TMPRSS3: variants seen among roughly 807,000 people sequenced by gnomAD.
TMPRSS3 encodes transmembrane protease serine 3.
In TMPRSS3, 55 loss-of-function variants were observed where a neutral mutation model predicts 59.6. The observed-to-expected ratio is 0.92, with a 90% CI of 0.74 to 1.16. TMPRSS3 has a LOEUF of 1.16. Ranked by LOEUF, TMPRSS3 falls within the 50% of genes most tolerant of loss-of-function variation. TMPRSS3 has a pLI of 0.00. For missense variants in TMPRSS3, 596 were observed against 579.4 expected (o/e 1.03, Z -0.29); for synonymous variants, 257 against 237.7 (o/e 1.08, Z -0.75).
chr21:42,377,776 AG>A (rs1410137402), intron 10 of TMPRSS3, among the ~76,000 whole-genome samples: 1 of 152,220 alleles, frequency 6.6e-6, no homozygotes, highest in East Asian at 1.9e-4. Flanking sequence ...CAAGACACTC[AG>A]CTTCCTGCCC....
chr21:42,375,180 GC>G (rs1332620506), intron 12 of TMPRSS3, among the ~76,000 whole-genome samples: 2 of 151,192 alleles, frequency 1.3e-5, no homozygotes, highest in African/African-American at 2.4e-5. Context: ...GCTGTTGGGT[GC>G]CCCCCTGCAG....
At chr21:42,391,203 T>C (rs1465096779) in intron 2 of TMPRSS3, among the ~76,000 whole-genome samples, 1 of 152,158 alleles carries the variant, frequency 6.6e-6, no homozygotes, top group Non-Finnish European at 1.5e-5. Context: ...TTGATTTTTG[T>C]TTGTTTGTTT....
chr21:42,394,361 T>C (rs2146459753), intron 2 of TMPRSS3, among the ~76,000 whole-genome samples: 1 of 152,190 alleles, frequency 6.6e-6, no homozygotes, highest in South Asian at 2.1e-4. Context: ...ATAAAAACCT[T>C]TTATGGAAAA....
intron 1 of TMPRSS3, 179 bp downstream of exon 1, chr21:42,395,763 A>T: frequency 2.5e-6 from 1 of 397,374 alleles, no homozygotes; most frequent in Non-Finnish European, 4.9e-6. Context: ...CGATTGCTTT[A>T]GAGGGACTCC....
chr21:42,393,519 A>G (rs1339229261), intron 2 of TMPRSS3, among the ~76,000 whole-genome samples: 6 of 152,206 alleles, frequency 3.9e-5, no homozygotes, highest in Non-Finnish European at 8.8e-5. Context: ...ATCGACCCCC[A>G]AGGACACTTA....
chr21:42,389,506 C>G (rs961014057), intron 3 of TMPRSS3, among the ~76,000 whole-genome samples: 1 of 152,234 alleles, frequency 6.6e-6, no homozygotes, highest in African/African-American at 2.4e-5. Context: ...AAATTGTTCC[C>G]TATTAGAGAC....
chr21:42,372,059 A>G lies in TMPRSS3; in HGVS notation c.*703T>C. ...AAGGGTGGGTTTGGTTCTGGTCCCT[A>G]GAGATGAAAACGTGCAGTGACTGCA... is the stretch of plus-strand genomic sequence containing the variant. On this transcript the variant is annotated 3_prime_UTR_variant, in exon 13 of 13. Transcript: ENST00000644384. 2.2e-6 allele frequency: 1 copy of G among 454,362 alleles called. No individual in the cohort carries two copies. Among genetic ancestry groups the G allele is most frequent in the Admixed American group, 2.3e-5 (1 of 42,574 alleles). 28.1% of individuals were successfully genotyped at this position (454,362 alleles called of 1,614,324 possible). A position where few individuals can be genotyped will look rare whatever the true frequency, so the allele number is the denominator to read the frequency against.
At chr21:42,377,631 G>T (rs543753741) in intron 10 of TMPRSS3, among the ~76,000 whole-genome samples, 1 of 152,314 alleles carries the variant, frequency 6.6e-6, no homozygotes, top group South Asian at 2.1e-4. Flanking sequence ...GACACCGAGG[G>T]ATGGACCCCT....
At chr21:42,392,326 G>A (rs1424010448) in intron 2 of TMPRSS3, among the ~76,000 whole-genome samples, 4 of 152,230 alleles carry the variant, frequency 2.6e-5, no homozygotes, top group Non-Finnish European at 5.9e-5. Context: ...CATGGAATGC[G>A]AGGAGAAAAG....
Position 42,375,794 on chromosome 21 carries a change from G to C in TMPRSS3, c.1266C>G (p.Ile422Met), listed in dbSNP as rs372469227. The change falls in exon 12 of 13, where the codon ATC becomes ATG. Residue 422 changes from isoleucine (I) to methionine (M), a missense_variant. Transcript: ENST00000644384. Reference protein sequence around the residue: ...WKLVGATSFGIGCAEVNKPGV... With the variant: ...WKLVGATSFGMGCAEVNKPGV... ...CAGGCTTGTTCACCTCTGCGCAGCC[G>C]ATGCCAAAGCTGGTCGCTCCCACTA... is the stretch of plus-strand genomic sequence containing the variant. 2.5e-6 allele frequency: 4 copies of C among 1,613,682 alleles called. No individual in the cohort carries two copies. Among genetic ancestry groups the C allele is most frequent in the Non-Finnish European group, 3.4e-6 (4 of 1,179,990 alleles).
In TMPRSS3 at chr21:42,388,363, C is replaced by G. The variant is rs1568888263; in HGVS notation, c.446+40G>C. 26 of 1,614,182 alleles carry G rather than the reference C, an allele frequency of 1.6e-5. No individual in the cohort carries two copies. The highest frequency in any genetic ancestry group is 2.0e-5 in the Non-Finnish European group (24 of 1,179,994). On this transcript the variant is annotated intron_variant, in intron 5 of 12. Coordinates refer to ENST00000644384, the MANE Select transcript of TMPRSS3 (RefSeq NM_001256317.3). This position sits in a 1 kb window ranked among gnomAD's most constrained non-coding sequence, Gnocchi z 5.1. ...TTGTCTTTCTTTATTGTTATCCTCT[C>G]TGTGTTTTGCCCATGGGTTGGAAAT...
chr21:42,386,082 AT>A (rs2052629577), intron 5 of TMPRSS3, among the ~76,000 whole-genome samples: 1 of 152,196 alleles, frequency 6.6e-6, no homozygotes, highest in Non-Finnish European at 1.5e-5. Context: ...AGCCCAGCTC[AT>A]TTTTACAGTG....
chr21:42,385,479 C>T lies in TMPRSS3; in HGVS notation c.502G>A (p.Glu168Lys). Residue 168 changes from glutamate to lysine, a missense_variant, in exon 6 of 13, where the codon GAG (glutamate) becomes AAG (lysine). Transcript: ENST00000644384. ...VSSLEGQFREEFVSIDHLLPD... is the reference protein window; with the variant it reads ...VSSLEGQFREKFVSIDHLLPD... The stretch of plus-strand genomic sequence containing the variant: ...AAGAGGTGATCGATGGACACAAACT[C>T]CTCCCGGAACTGCCCCTCCAGCGAG... 1 of 1,614,152 alleles carries T rather than the reference C, an allele frequency of 6.2e-7. No individual in the cohort carries two copies. The highest frequency in any genetic ancestry group is 1.1e-5 in the South Asian group (1 of 91,080).
rs935205211 is a variant in TMPRSS3, at chr21:42,382,220, T to C, written c.797A>G (p.Lys266Arg). 9 of 1,614,060 alleles carry C rather than the reference T, an allele frequency of 5.6e-6. No homozygotes were observed. The highest frequency in any genetic ancestry group is 7.6e-6 in the Non-Finnish European group (9 of 1,180,026). Reference sequence around the variant, plus strand: ...TAGACCCACCTGGATGGTCCATGACTTGGGGAGGTACAAGCTGAAATGAGA... The same window carrying C: ...TAGACCCACCTGGATGGTCCATGACCTGGGGAGGTACAAGCTGAAATGAGA... The part of the protein sequence containing the change: ...AHCVYDLYLP[K>R]SWTIQVGLVS... The change falls in exon 9 of 13, where the codon AAG becomes AGG. Residue 266 changes from lysine to arginine, a missense_variant. Coordinates refer to ENST00000644384, the MANE Select transcript of TMPRSS3 (RefSeq NM_001256317.3).
chr21:42,382,871 T>C (rs2052557067), intron 8 of TMPRSS3, 162 bp downstream of exon 8: 2 of 816,152 alleles, frequency 2.5e-6, no homozygotes, highest in Non-Finnish European at 4.0e-6. Flanking sequence ...CTGATGATGA[T>C]GGGTCCACAG....
Position 42,382,084 on chromosome 21 carries a change from G to C in TMPRSS3, c.933C>G (p.Ala311=), listed in dbSNP as rs145235893. The change falls in exon 9 of 13, where the codon GCC becomes GCG. Residue 311 remains alanine (A), a synonymous_variant. Coordinates refer to ENST00000644384, the MANE Select transcript of TMPRSS3 (RefSeq NM_001256317.3). ...LGNDIALMKL[A]GPLTFNEMIQ... ...ATGTACCATTGAACGTGAGTGGCCC[G>C]GCCAGCTTCATAAGGGCGATGTCAT... is the stretch of plus-strand genomic sequence containing the variant. 10 of 1,614,054 alleles carry C rather than the reference G, an allele frequency of 6.2e-6. No individual in the cohort carries two copies. The highest frequency in any genetic ancestry group is 8.5e-6 in the Non-Finnish European group (10 of 1,180,048).
In TMPRSS3 at chr21:42,385,522, T is replaced by G. The variant is rs766994412; in HGVS notation, c.459A>C (p.Ser153=). ...AQLGFPSYVS[S]DNLRVSSLEG... is the part of the protein sequence containing the mutation. ...CCAGCGAGCTCACTCTGAGGTTATC[T>G]GAACTCACATAGCTGCAAGCACATT... Residue 153 remains serine (S), a synonymous_variant, in exon 6 of 13, where the codon TCA becomes TCC. Coordinates refer to ENST00000644384, the MANE Select transcript of TMPRSS3 (RefSeq NM_001256317.3). The G allele has an allele frequency of 1.2e-6, 2 of 1,614,150 alleles. No homozygotes were observed. Among genetic ancestry groups the G allele is most frequent in the Non-Finnish European group, 1.7e-6 (2 of 1,180,002 alleles).
chr21:42,372,597 C>G lies in TMPRSS3; in HGVS notation c.*165G>C. 2.5e-6 allele frequency: 2 copies of G among 798,402 alleles called. No individual in the cohort carries two copies. The highest frequency in any genetic ancestry group is 4.5e-6 in the Non-Finnish European group (2 of 439,564). The allele number at this position is 798,402 out of a possible 1,614,324, so 49.5% of individuals were successfully genotyped here. ...AACAAAAAGCAGCTTGAAGGTTGTGCTGGAATCAGATGGAAGGGTGCCTCT... is the reference window on the plus strand; with the variant it reads ...AACAAAAAGCAGCTTGAAGGTTGTGGTGGAATCAGATGGAAGGGTGCCTCT... On this transcript the variant is annotated 3_prime_UTR_variant, in exon 13 of 13. Transcript: ENST00000644384.
chr21:42,384,523 G>A (rs1023699822), intron 6 of TMPRSS3, among the ~76,000 whole-genome samples: 3 of 152,192 alleles, frequency 2.0e-5, no homozygotes, highest in Admixed American at 2.0e-4. Flanking sequence ...CACAGGTGGA[G>A]ACCAGGGTGT....
Sources: allele counts gnomAD v4.1 joint callset (sites outside exome capture counted in the v4.1 genomes callset), GRCh38; gene constraint gnomAD v4.1.1; non-coding constraint Gnocchi (gnomAD v3.1); transcripts MANE v1.5; gene names NCBI Gene and HGNC (gene_info 2026-07-23, HGNC 2026-07-21).